HAO2: variants seen among roughly 807,000 people sequenced by gnomAD.
HAO2 encodes 2-Hydroxyacid oxidase 2.
A neutral mutation model predicts 37.4 loss-of-function variants in HAO2; 42 were observed. The ratio of observed to expected loss-of-function variants is 1.12; its 90% CI spans 0.88 to 1.45. The LOEUF is 1.45. Ranked by LOEUF, HAO2 falls within the 40% of genes most tolerant of loss-of-function variation. HAO2 has a pLI of 0.00. For synonymous variants in HAO2, 180 were observed against 162.8 expected, an observed-to-expected ratio of 1.11 and a Z score of -0.81; for missense variants, 476 against 430.2, an observed-to-expected ratio of 1.11 and a Z score of -0.94.
intron 2 of HAO2, among the ~76,000 whole-genome samples, chr1:119,382,324 A>T (rs1650014380): frequency 6.6e-6 from 1 of 152,216 alleles, no homozygotes; most frequent in Admixed American, 6.5e-5. Context: ...GAGGCTAAGT[A>T]TGCATTTATT....
chr1:119,369,962 C>G (rs929913998), intron 1 of HAO2: 1 of 152,024 alleles, frequency 6.6e-6, no homozygotes, highest in South Asian at 2.1e-4. Context: ...AAGAATAAAC[C>G]TTAACAACTT....
intron 7 of HAO2, among the ~76,000 whole-genome samples, chr1:119,393,048 C>T (rs769513384): frequency 6.6e-6 from 1 of 152,136 alleles, no homozygotes; most frequent in Non-Finnish European, 1.5e-5. Context: ...GGAAAAGACC[C>T]TCTCATTAGT....
chr1:119,387,089 G>C (rs1485312797), intron 5 of HAO2, among the ~76,000 whole-genome samples: 1 of 152,124 alleles, frequency 6.6e-6, no homozygotes. Context: ...TATTATCCCT[G>C]ATTTGCAAAT....
At chr1:119,372,066 A>T (rs1445030287) in intron 1 of HAO2, among the ~76,000 whole-genome samples, 4 of 152,216 alleles carry the variant, frequency 2.6e-5, no homozygotes, top group Non-Finnish European at 4.4e-5. Context: ...TTCCCACAAA[A>T]GAATGCTATT....
In HAO2 at chr1:119,368,892, A is replaced by G. The variant is rs1349463499; in HGVS notation, c.-19A>G. ...CTTCTTTCCCTGAGGACTGGAAGACATTAGAATAAGGTTTGTCATTGAGTG... is the reference window on the plus strand; with the variant it reads ...CTTCTTTCCCTGAGGACTGGAAGACGTTAGAATAAGGTTTGTCATTGAGTG... On this transcript the variant is annotated 5_prime_UTR_variant, in exon 1 of 8. Transcript: ENST00000325945. 6.6e-6 allele frequency: 1 copy of G among 152,218 alleles called. No homozygotes were observed. Among genetic ancestry groups the G allele is most frequent in the Non-Finnish European group, 1.5e-5 (1 of 68,070 alleles). 9.4% of individuals were successfully genotyped at this position (152,218 alleles called of 1,614,324 possible). A position where few individuals can be genotyped will look rare whatever the true frequency, so the allele number is the denominator to read the frequency against.
intron 4 of HAO2, chr1:119,385,542 T>C (rs1650310721): frequency 1.1e-6 from 1 of 926,406 alleles, no homozygotes; most frequent in Non-Finnish European, 1.3e-6. Flanking sequence ...AACTGAGGAA[T>C]CAATATCTCT....
chr1:119,374,444 A>C (rs1649281231), intron 1 of HAO2, among the ~76,000 whole-genome samples: 1 of 152,168 alleles, frequency 6.6e-6, no homozygotes, highest in South Asian at 2.1e-4. Flanking sequence ...TTTTCAGCCA[A>C]CTTTGAACAG....
At chr1:119,370,386 A>G (rs943927032) in intron 1 of HAO2, 1 of 152,218 alleles carries the variant, frequency 6.6e-6, no homozygotes, top group African/African-American at 2.4e-5. Context: ...AAATACTCAA[A>G]TCCTGAAGCA....
intron 5 of HAO2, among the ~76,000 whole-genome samples, chr1:119,389,706 T>G (rs759249903): frequency 1.3e-4 from 20 of 151,978 alleles, no homozygotes; most frequent in Non-Finnish European, 2.1e-4. Context: ...GTCAGATGTA[T>G]AGATTTTGAA....
chr1:119,382,012 A>G (rs973846850), intron 2 of HAO2, among the ~76,000 whole-genome samples: 2 of 152,170 alleles, frequency 1.3e-5, no homozygotes, highest in South Asian at 2.1e-4. Flanking sequence ...CTGGCCCTTT[A>G]TAGAAAAAGC....
chr1:119,372,619 A>G (rs887642079), intron 1 of HAO2, among the ~76,000 whole-genome samples: 1 of 152,228 alleles, frequency 6.6e-6, no homozygotes. Flanking sequence ...GAGAACAGGA[A>G]AAACAGCTGG....
chr1:119,385,077 G>A (rs1452585512), intron 4 of HAO2, 24 bp downstream of exon 4: 1 of 1,598,330 alleles, frequency 6.3e-7, no homozygotes, highest in Non-Finnish European at 8.5e-7. Flanking sequence ...CAAATTCGAT[G>A]GACAGGCATT....
intron 1 of HAO2, among the ~76,000 whole-genome samples, chr1:119,376,622 C>G (rs1367914695): frequency 6.6e-6 from 1 of 152,218 alleles, no homozygotes; most frequent in Non-Finnish European, 1.5e-5. Context: ...CATTAGGGCT[C>G]TGCCCCTTTA....
At position 119,379,704 on chromosome 1, in the gene HAO2, C is replaced by T. The variant is rs114560084; in HGVS notation, c.-8-1374C>T. On this transcript the variant is annotated intron_variant, in intron 1 of 7. Transcript: ENST00000325945. ...TATGGCTGGGCTCCAAATTACTCCT[C>T]GTAGCCTCCATCTAGAGCCCAATGC... Among the ~76,000 whole-genome samples the T allele has an allele frequency of 4.5e-3, 687 of 152,258 alleles. 6 individuals carry two copies. The highest frequency in any genetic ancestry group is 0.016 in the African/African-American group (650 of 41,540).
chr1:119,386,497 T>A, intron 4 of HAO2, 125 bp from the exon 5 acceptor site: 1 of 659,774 alleles, frequency 1.5e-6, no homozygotes, highest in Non-Finnish European at 2.7e-6. Flanking sequence ...TGAGCCACCA[T>A]GCCCAGCCCT....
In HAO2 at chr1:119,386,964, CTG is replaced by C. The variant is rs587627353; in HGVS notation, c.771+136_771+137del. The stretch of plus-strand genomic sequence containing the variant: ...CTGTACCACATGTGTTGGTATGTAT[CTG>C]TGAATTTTAAGGACTGTTAATTATT... On this transcript the variant is annotated intron_variant, in intron 5 of 7. Transcript: ENST00000325945. 1,441 of 647,130 alleles carry C rather than the reference CTG, an allele frequency of 2.2e-3. 2 individuals are homozygous for C. Among genetic ancestry groups the C allele is most frequent in the Middle Eastern group, 0.01 (32 of 3,084 alleles). The allele number at this position is 647,130 out of a possible 1,614,324, so 40.1% of individuals were successfully genotyped here.
intron 5 of HAO2, among the ~76,000 whole-genome samples, chr1:119,391,533 G>A (rs117861556): frequency 9.2e-5 from 14 of 152,306 alleles, no homozygotes; most frequent in African/African-American, 2.4e-4. Flanking sequence ...TAGTTTTACC[G>A]TGTTGTACTT....
chr1:119,389,890 T>C (rs1028590951), intron 5 of HAO2, among the ~76,000 whole-genome samples: 2 of 152,190 alleles, frequency 1.3e-5, no homozygotes, highest in Non-Finnish European at 2.9e-5. Context: ...GGGTTTTTCC[T>C]ATGTTATATT....
intron 7 of HAO2, 136 bp downstream of exon 7, chr1:119,392,823 A>C (rs1651021146): frequency 4.3e-6 from 3 of 704,084 alleles, no homozygotes; most frequent in Non-Finnish European, 5.2e-6. Flanking sequence ...GCAACTTTCA[A>C]GACAAAGATT....
Sources: gnomAD v4.1 joint callset for allele counts (sites outside exome capture counted in the v4.1 genomes callset) on GRCh38, gnomAD v4.1.1 for gene constraint, MANE v1.5 for transcripts, NCBI Gene and HGNC (gene_info 2026-07-23, HGNC 2026-07-21) for gene names.